TNNI3K: variants seen among roughly 807,000 people sequenced by gnomAD.
TNNI3K encodes the protein serine/threonine-protein kinase TNNI3K.
TNNI3K carries 140 observed loss-of-function variants against 114.5 expected under a neutral mutation model. The observed-to-expected ratio is 1.22, with a 90% CI of 1.07 to 1.41. The LOEUF (loss-of-function observed/expected upper bound fraction) is 1.41, where lower values mean the gene tolerates loss of function less well. Among genes scored for constraint, TNNI3K ranks in the 40% most tolerant of loss-of-function variants. The pLI is 0.00. For missense variants in TNNI3K, 1,125 were observed against 1,007.6 expected, an observed-to-expected ratio of 1.12 and a Z score of -1.58; for synonymous variants, 347 against 347.5, an observed-to-expected ratio of 1.00 and a Z score of 0.02.
At chr1:74,243,751 T>G (rs912762644) in intron 2 of TNNI3K, among the ~76,000 whole-genome samples, 1 of 152,280 alleles carries the variant, frequency 6.6e-6, no homozygotes, top group Admixed American at 6.5e-5. Flanking sequence ...GAACTATCAT[T>G]TTTAATGATT....
intron 20 of TNNI3K, among the ~76,000 whole-genome samples, chr1:74,442,359 A>G (rs747698926): frequency 6.6e-6 from 1 of 152,014 alleles, no homozygotes; most frequent in Admixed American, 6.6e-5. Context: ...CTATCTTACT[A>G]TATTATAGTG....
At chr1:74,294,061 A>G (rs758901323) in intron 5 of TNNI3K, among the ~76,000 whole-genome samples, 3 of 151,682 alleles carry the variant, frequency 2.0e-5, no homozygotes, top group Non-Finnish European at 4.4e-5. Context: ...TGTCATTTTT[A>G]TACTCGTTGA....
intron 17 of TNNI3K, among the ~76,000 whole-genome samples, chr1:74,383,474 A>G (rs972050489): frequency 6.6e-6 from 1 of 151,896 alleles, no homozygotes; most frequent in African/African-American, 2.4e-5. Flanking sequence ...CTTTCTCCAT[A>G]AAACTTTCCT....
chr1:74,308,803 C>T (rs557501465), intron 5 of TNNI3K, among the ~76,000 whole-genome samples: 21 of 152,010 alleles, frequency 1.4e-4, no homozygotes, highest in Non-Finnish European at 2.8e-4. Flanking sequence ...TAAGTGAAAT[C>T]AGAAGTGACA....
chr1:74,355,587 G>A (rs1661609772), intron 11 of TNNI3K, among the ~76,000 whole-genome samples: 2 of 151,120 alleles, frequency 1.3e-5, no homozygotes, highest in South Asian at 2.1e-4. Context: ...CTGGCAACAG[G>A]GCGATACTCC....
chr1:74,340,263 C>T (rs565465787), intron 7 of TNNI3K, among the ~76,000 whole-genome samples: 1 of 152,200 alleles, frequency 6.6e-6, no homozygotes, highest in East Asian at 1.9e-4. Context: ...CAAAACAGAG[C>T]ACCAGGAACT....
intron 4 of TNNI3K, among the ~76,000 whole-genome samples, chr1:74,261,266 A>G (rs1041186521): frequency 3.3e-5 from 5 of 151,942 alleles, no homozygotes; most frequent in Non-Finnish European, 4.4e-5. Flanking sequence ...CCCAATAACT[A>G]AAAGCTAAGA....
At position 74,309,988 on chromosome 1, in the gene TNNI3K, G is replaced by T. The variant is rs539756177; in HGVS notation, c.445-21462G>T. Among the ~76,000 whole-genome samples, 180 of 152,194 alleles carry T rather than the reference G, an allele frequency of 1.2e-3. 2 individuals are homozygous for T. The highest frequency in any genetic ancestry group is 4.1e-3 in the African/African-American group (170 of 41,538). On this transcript the variant is annotated intron_variant, in intron 5 of 24. Coordinates refer to ENST00000326637, the MANE Select transcript of TNNI3K (RefSeq NM_015978.3). ...ATTAGGCAAGAGAAAGAAATAAAAG[G>T]CATCTAAATGGGAAAAGAGGAAGTC...
intron 5 of TNNI3K, among the ~76,000 whole-genome samples, chr1:74,291,138 C>T (rs1657653504): frequency 6.6e-6 from 1 of 151,622 alleles, no homozygotes. Context: ...TATCTGTCTC[C>T]TTCTTCTAGA....
In TNNI3K at chr1:74,439,623, G is replaced by A. The variant is rs1170010106; in HGVS notation, c.2011+1G>A. 1.2e-6 allele frequency: 2 copies of A among 1,612,844 alleles called. No homozygotes were observed. Among genetic ancestry groups the A allele is most frequent in the African/African-American group, 2.7e-5 (2 of 74,814 alleles). Reference sequence around the variant, plus strand: ...ATTCCATTCGCTCATCTCAAGCCAGGTAAGACACACTGCAATTGAAGTTTT... The same window carrying A: ...ATTCCATTCGCTCATCTCAAGCCAGATAAGACACACTGCAATTGAAGTTTT... On this transcript the variant is annotated splice_donor_variant, in intron 20 of 24. Coordinates refer to ENST00000326637, the MANE Select transcript of TNNI3K (RefSeq NM_015978.3). LOFTEE classifies it high-confidence loss of function.
chr1:74,284,151 A>C lies in TNNI3K; in HGVS notation c.444+12443A>C, dbSNP rs146614833. Among the ~76,000 whole-genome samples, 32 of 152,330 alleles carry C rather than the reference A, an allele frequency of 2.1e-4. No homozygotes were observed. In the East Asian group the frequency reaches 6.2e-3, roughly 29 times the overall value. ...TTTCTATGTGACCTTTGAATACAGT[A>C]GTAAAATAACAAGTGGGGGCTACTT... On this transcript the variant is annotated intron_variant, in intron 5 of 24. Coordinates refer to ENST00000326637, the MANE Select transcript of TNNI3K (RefSeq NM_015978.3).
Position 74,369,382 on chromosome 1 carries a change from C to T in TNNI3K, c.1473-9C>T, listed in dbSNP as rs377501986. 6.0e-5 allele frequency: 97 copies of T among 1,606,890 alleles called. No homozygotes were observed. Among genetic ancestry groups the T allele is most frequent in the Non-Finnish European group, 7.7e-5 (91 of 1,176,596 alleles). ...TTTACTGAAGATTTTCTGTTGCTGC[C>T]ATTTCCAGTTATCGAGCCAATACCT... On this transcript the variant is annotated splice_polypyrimidine_tract_variant and intron_variant, in intron 15 of 24. Transcript: ENST00000326637.
intron 11 of TNNI3K, among the ~76,000 whole-genome samples, chr1:74,366,183 T>C (rs1381314241): frequency 6.6e-6 from 1 of 152,086 alleles, no homozygotes; most frequent in East Asian, 1.9e-4. Context: ...TAAGTATTTA[T>C]GCTTTTTCAA....
At chr1:74,390,550 T>C (rs1284058784) in intron 17 of TNNI3K, among the ~76,000 whole-genome samples, 2 of 152,258 alleles carry the variant, frequency 1.3e-5, no homozygotes, top group East Asian at 3.9e-4. Flanking sequence ...TCTTTTTTAT[T>C]TTACCAAGAT....
chr1:74,408,582 G>A (rs1664731203), intron 17 of TNNI3K, among the ~76,000 whole-genome samples: 1 of 152,140 alleles, frequency 6.6e-6, no homozygotes, highest in Admixed American at 6.5e-5. Flanking sequence ...CTAAGTCTGT[G>A]TGATACATTT....
At position 74,369,583 on chromosome 1, in the gene TNNI3K, G is replaced by A. The variant is rs759212052; in HGVS notation, c.1665G>A (p.Lys555=). The A allele has an allele frequency of 1.2e-6, 2 of 1,604,026 alleles. No individual in the cohort carries two copies. The highest frequency in any genetic ancestry group is 1.7e-6 in the Non-Finnish European group (2 of 1,175,578). Residue 555 remains lysine (K), a splice_region_variant and synonymous_variant, in exon 16 of 25, where the codon AAG becomes AAA. Coordinates refer to ENST00000326637, the MANE Select transcript of TNNI3K (RefSeq NM_015978.3). ...TGTTCTCCCTCCTTCATGAGCAGAAGAGGTATGGGTCTTTTGTTCTGATTT... is the reference window on the plus strand; with the variant it reads ...TGTTCTCCCTCCTTCATGAGCAGAAAAGGTATGGGTCTTTTGTTCTGATTT... ...GSLFSLLHEQ[K]RILDLQSKLI...
intron 5 of TNNI3K, among the ~76,000 whole-genome samples, chr1:74,279,102 T>C (rs1381114104): frequency 6.6e-6 from 1 of 152,158 alleles, no homozygotes; most frequent in Non-Finnish European, 1.5e-5. Flanking sequence ...AAACTACACT[T>C]CTAGTCACAA....
chr1:74,533,103 G>A (rs1278196797), intron 23 of TNNI3K, among the ~76,000 whole-genome samples: 1 of 152,150 alleles, frequency 6.6e-6, no homozygotes, highest in Non-Finnish European at 1.5e-5. Flanking sequence ...CACAGCAAAA[G>A]AAAGTACCGT....
chr1:74,453,504 GGTA>G (rs1667109520), intron 20 of TNNI3K, among the ~76,000 whole-genome samples: 1 of 152,104 alleles, frequency 6.6e-6, no homozygotes, highest in East Asian at 1.9e-4. Flanking sequence ...TATCAATTAT[GGTA>G]GTAGCAGCAT....
Sources: gnomAD v4.1 joint callset for allele counts (sites outside exome capture counted in the v4.1 genomes callset) on GRCh38, gnomAD v4.1.1 for gene constraint, MANE v1.5 for transcripts, NCBI Gene and HGNC (gene_info 2026-07-23, HGNC 2026-07-21) for gene names.